The following ARID1A variants were observed in gnomAD, a reference collection of about 807,000 sequenced individuals.
ARID1A encodes the protein AT-rich interaction domain 1A.
A neutral mutation model predicts 212.6 loss-of-function variants in ARID1A; 20 were observed. The observed-to-expected ratio is 0.09, with a 90% CI of 0.07 to 0.14. The LOEUF is 0.14. ARID1A is among the 10% of genes least tolerant of loss of function. The pLI, the probability that ARID1A is intolerant of heterozygous loss-of-function variation, is 1.00. For synonymous variants in ARID1A, 1,376 were observed against 1,222.1 expected (o/e 1.13, Z -2.63); for missense variants, 2,587 against 3,059.0 (o/e 0.85, Z 3.64).
intron 7 of ARID1A, among the ~76,000 whole-genome samples, 163 bp from the exon 8 acceptor site, chr1:26,762,809 CT>C (rs1360914079): frequency 1.3e-5 from 2 of 152,328 alleles, no homozygotes; most frequent in Non-Finnish European, 2.9e-5. Context: ...CCTTTACATG[CT>C]TCTGGAATCC....
At position 26,773,287 on chromosome 1, in the gene ARID1A, G is replaced by A. The variant is rs575310316; in HGVS notation, c.3716-59G>A. 142 of 1,516,306 alleles carry A rather than the reference G, an allele frequency of 9.4e-5. 1 individual carries two copies. The South Asian group carries it at 1.8e-3, about 19-fold the overall frequency. 93.9% of individuals were successfully genotyped at this position (1,516,306 alleles called of 1,614,324 possible). A position where few individuals can be genotyped will look rare whatever the true frequency, so the allele number is the denominator to read the frequency against. On this transcript the variant is annotated intron_variant, in intron 14 of 19. Coordinates refer to ENST00000324856, the MANE Select transcript of ARID1A (RefSeq NM_006015.6). ...CTCTGAAGAGGGCCTGGGTCAAAGG[G>A]TAGATTACCAGGCTTGTCAACTTAC...
intron 1 of ARID1A, among the ~76,000 whole-genome samples, chr1:26,720,758 G>T (rs2080556118): frequency 6.6e-6 from 1 of 151,922 alleles, no homozygotes; most frequent in African/African-American, 2.4e-5. Context: ...CAGCTACTCA[G>T]GAGGCTGAGG....
rs2081193389 is a variant in ARID1A at position 26,781,398 on chromosome 1, A to G, written c.*642A>G. The G allele has an allele frequency of 4.3e-6, 1 of 233,470 alleles. No individual in the cohort carries two copies. The highest frequency in any genetic ancestry group is 1.8e-4 in the South Asian group (1 of 5,528). The allele number at this position is 233,470 out of a possible 1,614,324, so 14.5% of individuals were successfully genotyped here. The stretch of plus-strand genomic sequence containing the variant: ...ATAATAATGTCTCACATGGAAACAG[A>G]AAACGCTGGGTCAGCAGCAAGCTGT... On this transcript the variant is annotated 3_prime_UTR_variant, in exon 20 of 20. Coordinates refer to ENST00000324856, the MANE Select transcript of ARID1A (RefSeq NM_006015.6).
intron 4 of ARID1A, among the ~76,000 whole-genome samples, chr1:26,755,810 C>A (rs2080929715): frequency 6.6e-6 from 1 of 151,058 alleles, no homozygotes; most frequent in South Asian, 2.1e-4. Flanking sequence ...GTGGTGCGAT[C>A]TCGGCTCACT....
chr1:26,709,626 CTTTTTTTTT>C (rs57532083), intron 1 of ARID1A, among the ~76,000 whole-genome samples: 2 of 118,508 alleles, frequency 1.7e-5, no homozygotes, highest in African/African-American at 6.5e-5. Context: ...TACTGTAATG[CTTTTTTTTT>C]TTTTTTTTTT....
chr1:26,747,802 C>T (rs991699251), intron 4 of ARID1A, among the ~76,000 whole-genome samples: 5 of 152,050 alleles, frequency 3.3e-5, no homozygotes, highest in African/African-American at 7.2e-5. Flanking sequence ...TTGAGCTATG[C>T]TTGCACGACT....
intron 4 of ARID1A, among the ~76,000 whole-genome samples, chr1:26,756,537 C>T (rs2080938322): frequency 6.8e-6 from 1 of 147,818 alleles, no homozygotes; most frequent in Non-Finnish European, 1.5e-5. Context: ...GCCTGGGTGA[C>T]AGACCCAGAC....
At chr1:26,731,105 C>T (rs746971774) in intron 2 of ARID1A, 47 bp from the exon 3 acceptor site, 5 of 1,558,040 alleles carry the variant, frequency 3.2e-6, no homozygotes, top group African/African-American at 1.4e-5. Flanking sequence ...TTCATCTTTC[C>T]TCATGCAGGA....
intron 1 of ARID1A, among the ~76,000 whole-genome samples, chr1:26,723,690 T>A (rs1182678079): frequency 6.6e-6 from 1 of 151,976 alleles, no homozygotes; most frequent in East Asian, 1.9e-4. Context: ...GGAAAAGCCT[T>A]TTCCTGTGTT....
rs1300734152 is a variant in ARID1A, at chr1:26,782,063, T to C, written c.*1307T>C. On this transcript the variant is annotated 3_prime_UTR_variant, in exon 20 of 20. Transcript: ENST00000324856. ...TTCAGTATGAAATCTTTATACTATA[T>C]GTTCCACGTGTTAAGAATAAATGTA... 1 of 229,074 alleles carries C rather than the reference T, an allele frequency of 4.4e-6. No individual in the cohort carries two copies. The highest frequency in any genetic ancestry group is 8.7e-6 in the Non-Finnish European group (1 of 115,334). 14.2% of individuals were successfully genotyped at this position (229,074 alleles called of 1,614,324 possible). A position where few individuals can be genotyped will look rare whatever the true frequency, so the allele number is the denominator to read the frequency against.
rs1490756534 is a variant in ARID1A at position 26,763,242 on chromosome 1, A to G, written c.2689A>G (p.Thr897Ala). 1.2e-6 allele frequency: 2 copies of G among 1,612,782 alleles called. No homozygotes were observed. ...PGGMNRKTQETAVAMHVAANS... is the reference protein window; with the variant it reads ...PGGMNRKTQEAAVAMHVAANS... ...GGGCATGAACCGGAAAACCCAAGAA[A>G]CTGCTGTCGCCATGCATGTTGCTGC... The change falls in exon 8 of 20, where the codon ACT becomes GCT. Residue 897 changes from threonine to alanine, a missense_variant. Thr to Ala is a moderately conservative substitution (Grantham distance 58, BLOSUM62 0). This residue lies in a region of ARID1A where 674 missense variants were observed against 813.4 expected (regional missense o/e 0.83). Coordinates refer to ENST00000324856, the MANE Select transcript of ARID1A (RefSeq NM_006015.6).
chr1:26,750,763 T>A (rs34909427), intron 4 of ARID1A, among the ~76,000 whole-genome samples: 9,041 of 152,006 alleles, frequency 0.059, 327 homozygotes, highest in Non-Finnish European at 0.08. Flanking sequence ...ATGGGACTTC[T>A]GCTTGTTTCC....
chr1:26,762,031 A>G (rs1293489374), intron 6 of ARID1A, 121 bp from the exon 7 acceptor site: 8 of 1,144,044 alleles, frequency 7.0e-6, no homozygotes, highest in Non-Finnish European at 4.9e-6. Flanking sequence ...AAAATCAGAT[A>G]GAGACTCCAT....
intron 1 of ARID1A, among the ~76,000 whole-genome samples, chr1:26,720,737 G>C (rs558567429): frequency 1.3e-5 from 2 of 152,080 alleles, no homozygotes; most frequent in East Asian, 3.9e-4. Flanking sequence ...GATGGCATGT[G>C]CTTATAGTCC....
At chr1:26,742,045 G>C (rs2080792791) in intron 4 of ARID1A, among the ~76,000 whole-genome samples, 1 of 152,162 alleles carries the variant, frequency 6.6e-6, no homozygotes, top group Non-Finnish European at 1.5e-5. Flanking sequence ...GAAAAACCAA[G>C]GGTCAGAATC....
Position 26,781,015 on chromosome 1 carries a change from AG to A in ARID1A, c.*260del. 1 of 402,142 alleles carries A rather than the reference AG, an allele frequency of 2.5e-6. No homozygotes were observed. Among genetic ancestry groups the A allele is most frequent in the East Asian group, 3.6e-5 (1 of 27,776 alleles). 24.9% of individuals were successfully genotyped at this position (402,142 alleles called of 1,614,324 possible). On this transcript the variant is annotated 3_prime_UTR_variant, in exon 20 of 20. Coordinates refer to ENST00000324856, the MANE Select transcript of ARID1A (RefSeq NM_006015.6). ...TACCCCACCCTCTTTGAAAAGACAA[AG>A]CTCTGCCTACATAGAAGACTTTTTT...
intron 4 of ARID1A, among the ~76,000 whole-genome samples, chr1:26,760,395 A>C (rs558730484): frequency 4.6e-5 from 7 of 152,316 alleles, no homozygotes; most frequent in African/African-American, 1.7e-4. Flanking sequence ...AAGTTATAGT[A>C]TGATGACTAG....
At position 26,708,942 on chromosome 1, in the gene ARID1A, G is replaced by A. The variant is rs559955423; in HGVS notation, c.1137+11402G>A. Among the ~76,000 whole-genome samples, 156 of 151,964 alleles carry A rather than the reference G, an allele frequency of 1.0e-3. 1 individual carries two copies. Among genetic ancestry groups the A allele is most frequent in the African/African-American group, 3.5e-3 (144 of 41,442 alleles). ...GGTCTGCTGATCTCGTGATCCGCCCGCTTCGGCCTCCCAAAGTGCTGGGAT... is the reference window on the plus strand; with the variant it reads ...GGTCTGCTGATCTCGTGATCCGCCCACTTCGGCCTCCCAAAGTGCTGGGAT... On this transcript the variant is annotated intron_variant, in intron 1 of 19. Coordinates refer to ENST00000324856, the MANE Select transcript of ARID1A (RefSeq NM_006015.6).
chr1:26,700,191 A>G (rs1056836606), intron 1 of ARID1A, among the ~76,000 whole-genome samples: 1 of 152,248 alleles, frequency 6.6e-6, no homozygotes, highest in East Asian at 1.9e-4. Flanking sequence ...TTTGTTCTGA[A>G]TTTCTCTTTG....
Sources: allele counts gnomAD v4.1 joint callset (sites outside exome capture counted in the v4.1 genomes callset), GRCh38; gene constraint gnomAD v4.1.1; regional missense constraint gnomAD v4.1.1; transcripts MANE v1.5; gene names NCBI Gene and HGNC (gene_info 2026-07-23, HGNC 2026-07-21).